Variants in TMEM220 observed in about 807,000 individuals in gnomAD.
TMEM220 encodes the protein transmembrane protein 220.
A neutral mutation model predicts 21.7 loss-of-function variants in TMEM220; 21 were observed. The observed-to-expected ratio is 0.97, with a 90% CI of 0.69 to 1.39. The LOEUF is 1.39. Among genes scored for constraint, TMEM220 ranks in the 40% most tolerant of loss-of-function variants. TMEM220 has a pLI of 0.00. For synonymous variants in TMEM220, 80 were observed against 73.6 expected (o/e 1.09, Z -0.45); for missense variants, 191 against 201.9 (o/e 0.95, Z 0.33).
intron 5 of TMEM220, among the ~76,000 whole-genome samples, chr17:10,720,827 CATATT>C (rs939347586): frequency 5.3e-5 from 8 of 152,062 alleles, no homozygotes; most frequent in Non-Finnish European, 1.0e-4. Flanking sequence ...TTTCAGTAGT[CATATT>C]ATCATTTGGA....
chr17:10,726,450 TG>T (rs2075050730), intron 2 of TMEM220, 186 bp from the exon 3 acceptor site: 6 of 612,320 alleles, frequency 9.8e-6, no homozygotes, highest in Non-Finnish European at 1.8e-5. Context: ...CACGTCTGCC[TG>T]CAATTTTATC....
downstream of TMEM220, chr17:10,711,236 CA>C: frequency 3.1e-6 from 3 of 976,508 alleles, no homozygotes; most frequent in Non-Finnish European, 4.5e-6. Flanking sequence ...GTTTAGTATT[CA>C]GCTTGCATAA....
chr17:10,729,563 G>A (rs896917294), intron 1 of TMEM220, among the ~76,000 whole-genome samples: 1 of 152,168 alleles, frequency 6.6e-6, no homozygotes, highest in Non-Finnish European at 1.5e-5. Flanking sequence ...CCCCTTCCAG[G>A]GTGTGAGCCC....
chr17:10,725,106 T>C lies in TMEM220; in HGVS notation c.192A>G (p.Ala64=), dbSNP rs756808409. ...TGNVIWKSIS[A]IHILFCTVWA... is the part of the protein sequence containing the mutation. ...ACACCGTACAAAAGAGTATGTGTAT[T>C]GCAGAGATACTTTTCCAAATAACAT... is the stretch of plus-strand genomic sequence containing the variant. Residue 64 remains alanine (A), a synonymous_variant, in exon 4 of 6, where the codon GCA becomes GCG. Transcript: ENST00000341871. 29 of 1,614,026 alleles carry C rather than the reference T, an allele frequency of 1.8e-5. No homozygotes were observed. Among genetic ancestry groups the C allele is most frequent in the Non-Finnish European group, 2.3e-5 (27 of 1,180,024 alleles).
At chr17:10,717,247 C>T (rs1220265200) in intron 5 of TMEM220, among the ~76,000 whole-genome samples, 1 of 152,182 alleles carries the variant, frequency 6.6e-6, no homozygotes, top group Non-Finnish European at 1.5e-5. Flanking sequence ...GCAATATGGC[C>T]AGCCTCATCT....
chr17:10,729,631 G>A (rs1212892351), intron 1 of TMEM220, 149 bp downstream of exon 1: 32 of 588,784 alleles, frequency 5.4e-5, no homozygotes, highest in South Asian at 6.0e-5. Flanking sequence ...GGAGAAAGTG[G>A]GGGCTCCCCA....
chr17:10,725,819 G>GTGC (rs1462815916), intron 3 of TMEM220, among the ~76,000 whole-genome samples: 1 of 152,210 alleles, frequency 6.6e-6, no homozygotes, highest in Non-Finnish European at 1.5e-5. Flanking sequence ...CTACCTTAAA[G>GTGC]ATGCAGACGG....
At chr17:10,729,141 A>G in intron 1 of TMEM220, 81 bp from the exon 2 acceptor site, 1 of 1,542,580 alleles carries the variant, frequency 6.5e-7, no homozygotes, top group Non-Finnish European at 9.0e-7. Flanking sequence ...CACATTTTTT[A>G]TTAATTTGTT....
intron 5 of TMEM220, among the ~76,000 whole-genome samples, chr17:10,720,139 A>G (rs1245799869): frequency 1.3e-5 from 2 of 152,176 alleles, no homozygotes; most frequent in African/African-American, 4.8e-5. Flanking sequence ...AGCCATCTGG[A>G]GGGGAATTCG....
Position 10,729,778 on chromosome 17 carries a change from A to C in TMEM220, c.72+2T>G. ...GTCCCCCTCCCACCGCGGCCGCCTG[A>C]CCTGCACCAAGGCCGCCAGCGCGAA... On this transcript the variant is annotated splice_donor_variant, in intron 1 of 5. Coordinates refer to ENST00000341871, the MANE Select transcript of TMEM220 (RefSeq NM_001004313.3). LOFTEE classifies it high-confidence loss of function. 2 of 1,408,352 alleles carry C rather than the reference A, an allele frequency of 1.4e-6. No homozygotes were observed. The allele number at this position is 1,408,352 out of a possible 1,614,324, so 87.2% of individuals were successfully genotyped here. A position where few individuals can be genotyped will look rare whatever the true frequency, so the allele number is the denominator to read the frequency against.
rs2075037097 is a variant in TMEM220, at chr17:10,725,261, GC to G, written c.164-128del. The G allele has an allele frequency of 5.3e-6, 7 of 1,311,806 alleles. No individual in the cohort carries two copies. In the South Asian group the frequency reaches 1.0e-4, roughly 19 times the overall value. 81.3% of individuals were successfully genotyped at this position (1,311,806 alleles called of 1,614,324 possible). On this transcript the variant is annotated intron_variant, in intron 3 of 5. Transcript: ENST00000341871. ...ACATTCAGACTCCCTCAGCCCCATC[GC>G]CCCTTTTTGTTTTAGGACAACACAG...
At chr17:10,727,887 G>A (rs914892876) in intron 2 of TMEM220, among the ~76,000 whole-genome samples, 5 of 152,228 alleles carry the variant, frequency 3.3e-5, no homozygotes, top group East Asian at 3.9e-4. Context: ...AGAGCCGGGC[G>A]CGGTGACTCA....
downstream of TMEM220, among the ~76,000 whole-genome samples, chr17:10,711,546 A>ATTT (rs1292225792): frequency 6.6e-6 from 1 of 152,242 alleles, no homozygotes; most frequent in Middle Eastern, 3.4e-3. Flanking sequence ...GCTTTGGACA[A>ATTT]TTTCTGCTCA....
At chr17:10,711,271 G>A, downstream of TMEM220, 1 of 750,604 alleles carries the variant, frequency 1.3e-6, no homozygotes, top group South Asian at 1.9e-5. Flanking sequence ...TAGTTTCAGT[G>A]TGTGATGGTT....
intron 2 of TMEM220, among the ~76,000 whole-genome samples, chr17:10,726,955 A>T (rs77186053): frequency 6.6e-6 from 1 of 152,194 alleles, no homozygotes; most frequent in South Asian, 2.1e-4. Flanking sequence ...GACTTTCCAA[A>T]CAATGTAGCT....
chr17:10,725,061 G>C lies in TMEM220; in HGVS notation c.237C>G (p.Ser79=). Residue 79 remains serine (S), a synonymous_variant, in exon 4 of 6, where the codon TCC becomes TCG. Transcript: ENST00000341871. The part of the protein sequence containing the change: ...FCTVWAVGLA[S]YLLHRTQQNI... ...TCTGTTGTGTACGATGCAAGAGGTA[G>C]GACGCCAAGCCAACAGCCCACACCG... 1 of 1,614,122 alleles carries C rather than the reference G, an allele frequency of 6.2e-7. No individual in the cohort carries two copies. The highest frequency in any genetic ancestry group is 1.1e-5 in the South Asian group (1 of 91,088).
chr17:10,715,682 T>C, intron 5 of TMEM220, 94 bp from the exon 6 acceptor site: 1 of 899,568 alleles, frequency 1.1e-6, no homozygotes. Context: ...AATTACATTT[T>C]AGTATGTTCT....
At chr17:10,719,475 C>T (rs975810845) in intron 5 of TMEM220, among the ~76,000 whole-genome samples, 5 of 152,122 alleles carry the variant, frequency 3.3e-5, no homozygotes, top group African/African-American at 1.2e-4. Flanking sequence ...ACCATTTGGC[C>T]AGGCTGGTCT....
At chr17:10,723,213 T>G (rs1233244463) in intron 5 of TMEM220, 57 bp downstream of exon 5, 15 of 1,471,986 alleles carry the variant, frequency 1.0e-5, no homozygotes, top group Non-Finnish European at 1.3e-5. Context: ...TCTCCTGACC[T>G]CGTGATCTGC....
Sources: gnomAD v4.1 joint callset for allele counts (sites outside exome capture counted in the v4.1 genomes callset) on GRCh38, gnomAD v4.1.1 for gene constraint, MANE v1.5 for transcripts, NCBI Gene and HGNC (gene_info 2026-07-23, HGNC 2026-07-21) for gene names.